USP31: variants seen among roughly 807,000 people sequenced by gnomAD.
USP31 encodes the protein ubiquitin carboxyl-terminal hydrolase 31.
Under a neutral mutation model 119.4 loss-of-function variants are expected in USP31, and 44 were observed. The ratio of observed to expected loss-of-function variants is 0.37; its 90% CI spans 0.29 to 0.47. The LOEUF is 0.47. Among genes scored for constraint, USP31 ranks in the 20% least tolerant of loss-of-function variants. The pLI is 0.99. For synonymous variants in USP31, 749 were observed against 705.6 expected, an observed-to-expected ratio of 1.06 and a Z score of -0.97; for missense variants, 1,643 against 1,730.2, an observed-to-expected ratio of 0.95 and a Z score of 0.89.
At chr16:23,132,954 T>C (rs958010961) in intron 1 of USP31, among the ~76,000 whole-genome samples, 4 of 152,162 alleles carry the variant, frequency 2.6e-5, no homozygotes, top group African/African-American at 2.4e-5. Flanking sequence ...GCTTCTAACA[T>C]ACATTTTTAT....
At chr16:23,094,754 G>A (rs1007922661) in intron 6 of USP31, among the ~76,000 whole-genome samples, 3 of 152,194 alleles carry the variant, frequency 2.0e-5, no homozygotes, top group Admixed American at 6.5e-5. Context: ...CAGACCTGTA[G>A]CTGAGGGACC....
At chr16:23,120,425 A>C (rs1163982184) in intron 1 of USP31, among the ~76,000 whole-genome samples, 1 of 152,238 alleles carries the variant, frequency 6.6e-6, no homozygotes, top group Non-Finnish European at 1.5e-5. Flanking sequence ...CAAGAGACAG[A>C]CCTATGGAGC....
In USP31 at chr16:23,069,584, C is replaced by G. The variant is rs1471646770; in HGVS notation, c.2521G>C (p.Val841Leu). Residue 841 changes from valine (V) to leucine (L), a missense_variant, in exon 16 of 16, where the codon GTC (valine) becomes CTC (leucine). By Grantham distance (32) the Val-to-Leu change is conservative (BLOSUM62 1). This residue lies in a region of USP31 where 699 missense variants were observed against 650.9 expected (regional missense o/e 1.07). Transcript: ENST00000219689. ...CTGGATGACAAACTCTGACGCTGGA[C>G]ACTTCTCACAAATGGTCGAGTTGAA... Reference protein sequence around the residue: ...GFSTRPFVRSVQRQSLSSRSS... With the variant: ...GFSTRPFVRSLQRQSLSSRSS... 9 of 1,610,826 alleles carry G rather than the reference C, an allele frequency of 5.6e-6. No individual in the cohort carries two copies. The highest frequency in any genetic ancestry group is 7.6e-6 in the Non-Finnish European group (9 of 1,177,402).
intron 13 of USP31, chr16:23,079,343 A>C (rs1248729146): frequency 6.6e-6 from 1 of 152,224 alleles, no homozygotes; most frequent in Non-Finnish European, 1.5e-5. Context: ...AGTTGCTTTT[A>C]TAAATGACAA....
At chr16:23,079,867 A>G in intron 13 of USP31, 79 bp downstream of exon 13, 3 of 1,358,808 alleles carry the variant, frequency 2.2e-6, no homozygotes, top group South Asian at 1.6e-5. Context: ...ATGAGGCTCT[A>G]AAGTCAAGTC....
chr16:23,070,789 C>G (rs1210398410), intron 15 of USP31, among the ~76,000 whole-genome samples: 2 of 151,658 alleles, frequency 1.3e-5, no homozygotes, highest in African/African-American at 2.4e-5. Context: ...AGAAAATATT[C>G]TAAATTAAAT....
intron 14 of USP31, 36 bp from the exon 15 acceptor site, chr16:23,072,233 G>T: frequency 6.3e-7 from 1 of 1,582,802 alleles, no homozygotes; most frequent in East Asian, 2.3e-5. Context: ...GGTCAGGCTG[G>T]GGTCCCTCGG....
At chr16:23,082,302 G>T in intron 12 of USP31, 136 bp downstream of exon 12, 2 of 1,157,236 alleles carry the variant, frequency 1.7e-6, no homozygotes, top group South Asian at 4.0e-5. Context: ...AGGGGCAAAA[G>T]TGTGTCTATA....
chr16:23,127,546 T>A (rs1397937270), intron 1 of USP31, among the ~76,000 whole-genome samples: 1 of 152,112 alleles, frequency 6.6e-6, no homozygotes, highest in Admixed American at 6.5e-5. Context: ...CACTGCAACC[T>A]CTGCCGCCTG....
intron 1 of USP31, among the ~76,000 whole-genome samples, chr16:23,129,881 GA>G (rs1902975381): frequency 6.6e-6 from 1 of 152,266 alleles, no homozygotes; most frequent in African/African-American, 2.4e-5. Flanking sequence ...CCAGGAAGGA[GA>G]AAACAGAAAA....
At chr16:23,077,095 A>T (rs1357080072) in intron 13 of USP31, among the ~76,000 whole-genome samples, 3 of 152,262 alleles carry the variant, frequency 2.0e-5, no homozygotes, top group Non-Finnish European at 4.4e-5. Context: ...AAGGCAAAAT[A>T]TATCTAAACA....
Position 23,072,224 on chromosome 16 carries a change from G to A in USP31, c.2336-27C>T, listed in dbSNP as rs1241867963. ...TGCAGAGAAGAAAACAGGCATAGAG[G>A]TCAGGCTGGGGTCCCTCGGCCAGCC... is the stretch of plus-strand genomic sequence containing the variant. On this transcript the variant is annotated intron_variant, in intron 14 of 15. Coordinates refer to ENST00000219689, the MANE Select transcript of USP31 (RefSeq NM_020718.4). 1.9e-6 allele frequency: 3 copies of A among 1,593,546 alleles called. No homozygotes were observed. The Admixed American group carries it at 5.1e-5, about 27-fold the overall frequency.
chr16:23,136,798 CACT>C (rs1903206879), intron 1 of USP31, among the ~76,000 whole-genome samples: 3 of 152,112 alleles, frequency 2.0e-5, no homozygotes, highest in Non-Finnish European at 2.9e-5. Flanking sequence ...TCATCACCAC[CACT>C]AACAAAAAAC....
At position 23,149,143 on chromosome 16, in the gene USP31, G is replaced by T. The variant is rs754824873; in HGVS notation, c.128C>A (p.Ala43Glu). The change falls in exon 1 of 16, where the codon GCG becomes GAG. Residue 43 changes from alanine (A) to glutamate (E), a missense_variant. Physicochemically the swap from Ala to Glu is moderately radical, Grantham distance 107. Around this residue, in one of 5 missense-constraint regions of USP31, gnomAD observed 302 missense variants for 262.6 expected, o/e 1.15. Coordinates refer to ENST00000219689, the MANE Select transcript of USP31 (RefSeq NM_020718.4). ...AGGGGAGGPG[A>E]SGPAAPSSPS... Reference sequence around the variant, plus strand: ...CGAGGAAGGCGCGGCCGGCCCGGACGCCCCGGGGCCCCCCGCGCCGCCGCC... The same window carrying T: ...CGAGGAAGGCGCGGCCGGCCCGGACTCCCCGGGGCCCCCCGCGCCGCCGCC... 8.4e-7 allele frequency: 1 copy of T among 1,190,862 alleles called. No individual in the cohort carries two copies. The highest frequency in any genetic ancestry group is 3.0e-5 in the South Asian group (1 of 32,908). The allele number at this position is 1,190,862 out of a possible 1,614,324, so 73.8% of individuals were successfully genotyped here. A position where few individuals can be genotyped will look rare whatever the true frequency, so the allele number is the denominator to read the frequency against.
intron 1 of USP31, among the ~76,000 whole-genome samples, chr16:23,109,841 CAAA>C (rs60568760): frequency 1.0e-4 from 11 of 110,182 alleles, no homozygotes; most frequent in African/African-American, 2.7e-4. Context: ...GACATTCTAC[CAAA>C]AAAAAAAAAA....
At chr16:23,144,842 C>A (rs74683467) in intron 1 of USP31, among the ~76,000 whole-genome samples, 3,836 of 152,132 alleles carry the variant, frequency 0.025, 58 homozygotes, top group African/African-American at 0.041. Context: ...AAAATAAAAC[C>A]TTTTTTTAAA....
Position 23,149,357 on chromosome 16 carries a change from C to T in USP31, c.-87G>A, listed in dbSNP as rs1567252874. On this transcript the variant is annotated 5_prime_UTR_variant, in exon 1 of 16. Coordinates refer to ENST00000219689, the MANE Select transcript of USP31 (RefSeq NM_020718.4). ...CGCCGCCGCATCCCGCAGCGCCGCG[C>T]CTCACCGGGCCCGGGGGCTCGACGC... 3.0e-6 allele frequency: 3 copies of T among 993,628 alleles called. No homozygotes were observed. Among genetic ancestry groups the T allele is most frequent in the Non-Finnish European group, 3.6e-6 (3 of 836,854 alleles). 61.6% of individuals were successfully genotyped at this position (993,628 alleles called of 1,614,324 possible).
At chr16:23,097,946 C>A (rs1901684781) in intron 6 of USP31, among the ~76,000 whole-genome samples, 1 of 152,164 alleles carries the variant, frequency 6.6e-6, no homozygotes, top group South Asian at 2.1e-4. Context: ...CACTCCTATT[C>A]AACATAGTGT....
chr16:23,145,788 C>A (rs1461490386), intron 1 of USP31, among the ~76,000 whole-genome samples: 1 of 152,224 alleles, frequency 6.6e-6, no homozygotes, highest in Non-Finnish European at 1.5e-5. Context: ...TGCCAATTGC[C>A]AATTGCAACG....
Sources: gnomAD v4.1 joint callset for allele counts (sites outside exome capture counted in the v4.1 genomes callset) on GRCh38, gnomAD v4.1.1 for gene constraint, gnomAD v4.1.1 regional missense constraint, MANE v1.5 for transcripts, NCBI Gene and HGNC (gene_info 2026-07-23, HGNC 2026-07-21) for gene names.